FAR2: variants seen among roughly 807,000 people sequenced by gnomAD.
The protein encoded by FAR2 is epididymis secretory protein Li 81.
In FAR2, 19 loss-of-function variants were observed where a neutral mutation model predicts 56.0. That is an observed-to-expected ratio of 0.34 (90% CI 0.24 to 0.50). The LOEUF (loss-of-function observed/expected upper bound fraction) is 0.50, where lower values mean the gene tolerates loss of function less well. Ranked by LOEUF, FAR2 falls within the 20% of genes least tolerant of loss-of-function variation. The probability of loss-of-function intolerance (pLI) is 0.98; values close to 1 mark genes in which losing one functional copy is unlikely to be tolerated. For synonymous variants in FAR2, 219 were observed against 218.8 expected (o/e 1.00, Z -0.01); for missense variants, 508 against 642.2 (o/e 0.79, Z 2.26).
intron 1 of FAR2, among the ~76,000 whole-genome samples, chr12:29,238,124 G>A (rs1947968731): frequency 6.6e-6 from 1 of 152,030 alleles, no homozygotes; most frequent in South Asian, 2.1e-4. Flanking sequence ...CAAGTTTTGG[G>A]TATATTATCA....
chr12:29,257,970 A>G (rs1002664449), intron 1 of FAR2, among the ~76,000 whole-genome samples: 16 of 152,242 alleles, frequency 1.1e-4, no homozygotes, highest in Non-Finnish European at 2.2e-4. Context: ...CAGGAAGCAA[A>G]GCTCTATAGC....
intron 1 of FAR2, among the ~76,000 whole-genome samples, chr12:29,205,076 A>T (rs546505800): frequency 6.6e-6 from 1 of 152,184 alleles, no homozygotes; most frequent in Non-Finnish European, 1.5e-5. Flanking sequence ...TTATGATATC[A>T]AAATAATTAC....
chr12:29,192,309 T>G (rs944134009), intron 1 of FAR2, among the ~76,000 whole-genome samples: 12 of 152,220 alleles, frequency 7.9e-5, no homozygotes, highest in Admixed American at 6.5e-4. Flanking sequence ...AATGTGAATA[T>G]TCTGAGTAAA....
chr12:29,250,922 A>G (rs923946305), intron 1 of FAR2, among the ~76,000 whole-genome samples: 5 of 152,178 alleles, frequency 3.3e-5, no homozygotes, highest in Admixed American at 1.3e-4. Context: ...TGGAAAACCT[A>G]ACTGCAATGG....
At chr12:29,256,797 A>T (rs7299648) in intron 1 of FAR2, among the ~76,000 whole-genome samples, 1 of 152,184 alleles carries the variant, frequency 6.6e-6, no homozygotes, top group East Asian at 1.9e-4. Context: ...CCAGCTGCCG[A>T]GGAGGGTGTA....
intron 2 of FAR2, 78 bp from the exon 3 acceptor site, chr12:29,293,212 GAGTATAATTA>G: frequency 8.9e-7 from 1 of 1,127,642 alleles, no homozygotes; most frequent in Non-Finnish European, 1.2e-6. Flanking sequence ...ACCAGTTTTT[GAGTATAATTA>G]AGCAGGTTGT....
intron 3 of FAR2, among the ~76,000 whole-genome samples, chr12:29,294,488 C>T (rs555236525): frequency 3.3e-5 from 5 of 152,070 alleles, no homozygotes; most frequent in Admixed American, 2.0e-4. Context: ...GTTGGGATTA[C>T]GGGTGCCTGC....
chr12:29,312,102 A>G, intron 8 of FAR2, 152 bp downstream of exon 8: 1 of 583,246 alleles, frequency 1.7e-6, no homozygotes, highest in Admixed American at 3.4e-5. Context: ...AATGTGTGAT[A>G]GTTAACTAGA....
rs577042774 is a variant in FAR2 at position 29,158,420 on chromosome 12, T to C, written c.-39+9013T>C. ...AGGAATCTTTGATGGCTTCAAAGAATTAATTTCCTTCATCCAAATGAGCAG... is the reference window on the plus strand; with the variant it reads ...AGGAATCTTTGATGGCTTCAAAGAACTAATTTCCTTCATCCAAATGAGCAG... On this transcript the variant is annotated intron_variant, in intron 1 of 11. Coordinates refer to ENST00000536681, the MANE Select transcript of FAR2 (RefSeq NM_001271783.2). 2.0e-5 allele frequency among the ~76,000 whole-genome samples: 3 copies of C among 152,366 alleles called. No individual in the cohort carries two copies. The South Asian group carries it at 6.2e-4, about 32-fold the overall frequency.
intron 2 of FAR2, among the ~76,000 whole-genome samples, chr12:29,279,812 G>A (rs1591922725): frequency 6.6e-6 from 1 of 152,042 alleles, no homozygotes; most frequent in Admixed American, 6.5e-5. Flanking sequence ...TAACCCATAT[G>A]AGTCTTGTTT....
At chr12:29,225,344 G>A (rs1947749893) in intron 1 of FAR2, among the ~76,000 whole-genome samples, 1 of 152,114 alleles carries the variant, frequency 6.6e-6, no homozygotes, top group African/African-American at 2.4e-5. Flanking sequence ...CTGTAATAAT[G>A]AGGTCTGCCT....
Position 29,307,825 on chromosome 12 carries a change from A to G in FAR2, c.713A>G (p.Glu238Gly), listed in dbSNP as rs1949278180. The change falls in exon 5 of 12, where the codon GAG becomes GGG. Residue 238 changes from glutamate (E) to glycine (G), a missense_variant. By Grantham distance (98) the Glu-to-Gly change is moderately conservative. Transcript: ENST00000536681. Reference protein sequence around the residue: ...RPSIVGATWQEPFPGWVDNIN... With the variant: ...RPSIVGATWQGPFPGWVDNIN... ...TCCATTGTGGGAGCAACTTGGCAGG[A>G]GCCTTTCCCAGTAAGCCCACTTACC... The G allele has an allele frequency of 3.7e-6, 6 of 1,610,082 alleles. No individual in the cohort carries two copies. Among genetic ancestry groups the G allele is most frequent in the Non-Finnish European group, 5.1e-6 (6 of 1,179,260 alleles).
intron 6 of FAR2, chr12:29,309,874 C>G (rs1260616673): frequency 6.6e-6 from 1 of 152,276 alleles, no homozygotes; most frequent in Non-Finnish European, 1.5e-5. Context: ...CACACTGAAG[C>G]ATTTAGGGTC....
intron 10 of FAR2, among the ~76,000 whole-genome samples, chr12:29,331,154 TAA>T (rs1278492134): frequency 6.6e-6 from 1 of 151,806 alleles, no homozygotes; most frequent in Non-Finnish European, 1.5e-5. Flanking sequence ...TTAAGTAAGT[TAA>T]GAGTAACGAG....
At chr12:29,277,225 C>T (rs1165670643) in intron 2 of FAR2, among the ~76,000 whole-genome samples, 2 of 152,184 alleles carry the variant, frequency 1.3e-5, no homozygotes, top group Non-Finnish European at 2.9e-5. Context: ...ATCCACCCAC[C>T]TCAGCCTCCC....
intron 8 of FAR2, 87 bp from the exon 9 acceptor site, chr12:29,316,754 T>C: frequency 1.6e-6 from 2 of 1,289,584 alleles, no homozygotes; most frequent in Non-Finnish European, 2.2e-6. Context: ...TTCGTCTTTA[T>C]TGTTTTGACC....
intron 1 of FAR2, among the ~76,000 whole-genome samples, chr12:29,256,300 G>C (rs942277484): frequency 6.6e-6 from 1 of 152,056 alleles, no homozygotes; most frequent in African/African-American, 2.4e-5. Flanking sequence ...GAATCCTCCC[G>C]GCTCAGCCTT....
intron 9 of FAR2, among the ~76,000 whole-genome samples, chr12:29,319,910 A>C (rs1021152333): frequency 2.6e-5 from 4 of 152,214 alleles, no homozygotes; most frequent in African/African-American, 9.6e-5. Flanking sequence ...GGTATTAAGA[A>C]GACCTTCTTG....
chr12:29,177,292 G>A (rs1444232757), intron 1 of FAR2, among the ~76,000 whole-genome samples: 1 of 152,176 alleles, frequency 6.6e-6, no homozygotes, highest in African/African-American at 2.4e-5. Flanking sequence ...GCAATGGCGG[G>A]GGGGATCTGT....
Sources: allele counts gnomAD v4.1 joint callset (sites outside exome capture counted in the v4.1 genomes callset), GRCh38; gene constraint gnomAD v4.1.1; transcripts MANE v1.5; gene names NCBI Gene and HGNC (gene_info 2026-07-23, HGNC 2026-07-21).